ATMIN: variants seen among roughly 807,000 people sequenced by gnomAD.
ATMIN encodes the protein ATM INteracting protein.
ATMIN carries 24 observed loss-of-function variants against 49.2 expected under a neutral mutation model. The ratio of observed to expected loss-of-function variants is 0.49; its 90% CI spans 0.35 to 0.69. ATMIN has a LOEUF of 0.69. Ranked by LOEUF, ATMIN falls within the 30% of genes least tolerant of loss-of-function variation. The pLI is 0.00. For missense variants in ATMIN, 1,037 were observed against 1,005.5 expected, an observed-to-expected ratio of 1.03 and a Z score of -0.42; for synonymous variants, 450 against 392.5, an observed-to-expected ratio of 1.15 and a Z score of -1.73.
chr16:81,038,168 T>G (rs894847687), intron 1 of ATMIN, among the ~76,000 whole-genome samples: 6 of 151,954 alleles, frequency 3.9e-5, no homozygotes, highest in Non-Finnish European at 8.8e-5. Context: ...TCTCACTCTG[T>G]CGCCCAGGCT....
chr16:81,039,855 A>C (rs1224421270), intron 1 of ATMIN, among the ~76,000 whole-genome samples: 1 of 152,218 alleles, frequency 6.6e-6, no homozygotes, highest in Non-Finnish European at 1.5e-5. Flanking sequence ...GAAAGGTTCC[A>C]AGTTACTCTA....
At position 81,045,150 on chromosome 16, in the gene ATMIN, A is replaced by G. The variant is rs559437351; in HGVS notation, c.*180A>G. The G allele has an allele frequency of 8.9e-5, 70 of 790,164 alleles. No individual in the cohort carries two copies. The Middle Eastern group carries it at 1.1e-3, about 13-fold the overall frequency. 48.9% of individuals were successfully genotyped at this position (790,164 alleles called of 1,614,324 possible). A position where few individuals can be genotyped will look rare whatever the true frequency, so the allele number is the denominator to read the frequency against. On this transcript the variant is annotated 3_prime_UTR_variant, in exon 4 of 4. Transcript: ENST00000299575. ...GAAATTTGCGTATAAATGTGAGTGT[A>G]TTATAAAGTTTGAGATGTTGATCTA...
In ATMIN at chr16:81,042,400, A is replaced by G. The variant is rs770499957; in HGVS notation, c.582A>G (p.Thr194=). Reference sequence around the variant, plus strand: ...ACTGTGGCAAGACCTTCCGGTGCACATGCGGCTGTCCCTACGCCAGTAGAA... The same window carrying G: ...ACTGTGGCAAGACCTTCCGGTGCACGTGCGGCTGTCCCTACGCCAGTAGAA... ...AEDCGKTFRC[T]CGCPYASRTA... is the part of the protein sequence containing the mutation. Residue 194 remains threonine (T), a synonymous_variant, in exon 3 of 4, where the codon ACA becomes ACG. Coordinates refer to ENST00000299575, the MANE Select transcript of ATMIN (RefSeq NM_015251.3). 5.6e-6 allele frequency: 9 copies of G among 1,614,204 alleles called. No individual in the cohort carries two copies. Among genetic ancestry groups the G allele is most frequent in the East Asian group, 2.2e-5 (1 of 44,886 alleles).
Position 81,043,213 on chromosome 16 carries a change from T to A in ATMIN, c.715T>A (p.Leu239Ile). ...KMENCAQNQK[L>I]SNKTIESLNN... is the part of the protein sequence containing the mutation. ...GGAAAACTGTGCACAAAACCAGAAG[T>A]TATCCAACAAGACCATTGAATCATT... The change falls in exon 4 of 4, where the codon TTA becomes ATA. Residue 239 changes from leucine to isoleucine, a missense_variant. Transcript: ENST00000299575. The A allele has an allele frequency of 6.2e-7, 1 of 1,613,210 alleles. No individual in the cohort carries two copies. Among genetic ancestry groups the A allele is most frequent in the Non-Finnish European group, 8.5e-7 (1 of 1,179,866 alleles).
At chr16:81,037,079 A>ACACATCTTGCGT in intron 1 of ATMIN, 1 of 664,568 alleles carries the variant, frequency 1.5e-6, no homozygotes, top group Non-Finnish European at 1.9e-6. Flanking sequence ...CAACCTTGGG[A>ACACATCTTGCGT]CACATCTGTG....
Position 81,035,887 on chromosome 16 carries a change from C to A in ATMIN, c.17C>A (p.Ala6Glu), listed in dbSNP as rs1401199936. The change falls in exon 1 of 4, where the codon GCG becomes GAG. Residue 6 changes from alanine (A) to glutamate (E), a missense_variant. Ala to Glu is a moderately radical substitution (Grantham distance 107). Coordinates refer to ENST00000299575, the MANE Select transcript of ATMIN (RefSeq NM_015251.3). ...GCGGGAGCCATGGCGGCCTCGGAGG[C>A]GGCGGCGGCGGCGGGGTCCGCGGCT... is the stretch of plus-strand genomic sequence containing the variant. MAASE[A>E]AAAAGSAALA... 50 of 857,104 alleles carry A rather than the reference C, an allele frequency of 5.8e-5. No individual in the cohort carries two copies. The highest frequency in any genetic ancestry group is 6.9e-5 in the Non-Finnish European group (50 of 727,968). 53.1% of individuals were successfully genotyped at this position (857,104 alleles called of 1,614,324 possible).
intron 1 of ATMIN, among the ~76,000 whole-genome samples, chr16:81,039,946 C>A (rs938716367): frequency 6.6e-6 from 1 of 152,132 alleles, no homozygotes; most frequent in African/African-American, 2.4e-5. Flanking sequence ...TGGATGCTTT[C>A]TCGGAAGGCA....
chr16:81,041,652 A>C lies in ATMIN; in HGVS notation c.462+171A>C, dbSNP rs1330284011. On this transcript the variant is annotated intron_variant, in intron 2 of 3. Coordinates refer to ENST00000299575, the MANE Select transcript of ATMIN (RefSeq NM_015251.3). The stretch of plus-strand genomic sequence containing the variant: ...ATGCTGTTACACAAGTGGAGGGAAA[A>C]GCGGCACGGTCTGGAGGGAATATGT... 9.4e-6 allele frequency: 7 copies of C among 740,992 alleles called. No individual in the cohort carries two copies. The East Asian group carries it at 1.7e-4, about 18-fold the overall frequency. 45.9% of individuals were successfully genotyped at this position (740,992 alleles called of 1,614,324 possible). A position where few individuals can be genotyped will look rare whatever the true frequency, so the allele number is the denominator to read the frequency against.
intron 1 of ATMIN, 79 bp downstream of exon 1, chr16:81,036,285 C>CAAAAGAAT: frequency 9.1e-7 from 1 of 1,102,824 alleles, no homozygotes; most frequent in Non-Finnish European, 1.1e-6. Flanking sequence ...GCGAAGCCGG[C>CAAAAGAAT]CTCGGGGGGA....
chr16:81,042,349 A>G lies in ATMIN; in HGVS notation c.531A>G (p.Glu177=), dbSNP rs374873241. Residue 177 remains glutamate (E), a synonymous_variant, in exon 3 of 4, where the codon GAA becomes GAG. Coordinates refer to ENST00000299575, the MANE Select transcript of ATMIN (RefSeq NM_015251.3). ...CSKCSNSYGT[E]WDLKRHAEDC... ...AGTGCAGCAATTCGTACGGTACAGA[A>G]TGGGACCTGAAAAGACATGCAGAGG... 271 of 1,614,048 alleles carry G rather than the reference A, an allele frequency of 1.7e-4. No homozygotes were observed. Among genetic ancestry groups the G allele is most frequent in the Non-Finnish European group, 2.1e-4 (252 of 1,180,036 alleles).
chr16:81,042,803 G>T (rs1971056687), intron 3 of ATMIN, among the ~76,000 whole-genome samples: 1 of 152,130 alleles, frequency 6.6e-6, no homozygotes, highest in African/African-American at 2.4e-5. Flanking sequence ...TCATGAAACT[G>T]TACTTCATTT....
chr16:81,041,663 C>A (rs1971039694), intron 2 of ATMIN, 182 bp downstream of exon 2: 2 of 655,866 alleles, frequency 3.0e-6, no homozygotes, highest in African/African-American at 1.8e-5. Context: ...GCGGCACGGT[C>A]TGGAGGGAAT....
At chr16:81,037,541 A>G in intron 1 of ATMIN, 3 of 966,670 alleles carry the variant, frequency 3.1e-6, no homozygotes, top group Non-Finnish European at 3.7e-6. Context: ...GGTTTCTTTC[A>G]GCACTCAAGT....
chr16:81,039,925 C>T (rs1403036485), intron 1 of ATMIN, among the ~76,000 whole-genome samples: 1 of 152,036 alleles, frequency 6.6e-6, no homozygotes, highest in East Asian at 1.9e-4. Flanking sequence ...CAAAGCAAAC[C>T]GTTTCCTTCT....
rs779776245 is a variant in ATMIN at position 81,044,758 on chromosome 16, C to T, written c.2260C>T (p.Leu754=). ...GVSTAKNIPA[L]ESKVQLNSTE... Reference sequence around the variant, plus strand: ...CTCCACTGCTAAAAATATACCTGCTCTAGAAAGCAAAGTTCAGTTGAACAG... The same window carrying T: ...CTCCACTGCTAAAAATATACCTGCTTTAGAAAGCAAAGTTCAGTTGAACAG... Residue 754 remains leucine, a synonymous_variant, in exon 4 of 4, where the codon CTA becomes TTA. Transcript: ENST00000299575. 1.2e-6 allele frequency: 2 copies of T among 1,614,184 alleles called. No individual in the cohort carries two copies. The highest frequency in any genetic ancestry group is 3.3e-5 in the Admixed American group (2 of 60,020).
chr16:81,041,416 T>C lies in ATMIN; in HGVS notation c.397T>C (p.Cys133Arg). Residue 133 changes from cysteine to arginine, a missense_variant, in exon 2 of 4, where the codon TGT becomes CGT. Cys to Arg is a radical substitution (Grantham distance 180). Transcript: ENST00000299575. ...GAAAACTGGACCGAAATTCTACTGCTGTCCAATTGAAGGCTGCCCCAGAGG... is the reference window on the plus strand; with the variant it reads ...GAAAACTGGACCGAAATTCTACTGCCGTCCAATTGAAGGCTGCCCCAGAGG... ...DLKTGPKFYC[C>R]PIEGCPRGPE... 1 of 1,614,022 alleles carries C rather than the reference T, an allele frequency of 6.2e-7. No homozygotes were observed. Among genetic ancestry groups the C allele is most frequent in the South Asian group, 1.1e-5 (1 of 91,034 alleles).
chr16:81,036,307 C>T (rs961184921), intron 1 of ATMIN, 101 bp downstream of exon 1: 4 of 1,038,918 alleles, frequency 3.9e-6, no homozygotes, highest in Admixed American at 5.3e-5. Context: ...GAGCGCCCTG[C>T]GCGCTGCCGC....
rs1324175038 is a variant in ATMIN, at chr16:81,046,037, T to TA, written c.*1068dup. The TA allele has an allele frequency of 1.3e-5, 2 of 151,466 alleles. No homozygotes were observed. The highest frequency in any genetic ancestry group is 2.9e-5 in the Non-Finnish European group (2 of 67,946). The allele number at this position is 151,466 out of a possible 1,614,324, so 9.4% of individuals were successfully genotyped here. ...GTGTAGTGTTCCTGCTAAATGAGCG[T>TA]AGGTTATCCAAACCTTGGGAACAGG... On this transcript the variant is annotated 3_prime_UTR_variant, in exon 4 of 4. Coordinates refer to ENST00000299575, the MANE Select transcript of ATMIN (RefSeq NM_015251.3).
rs1190274500 is a variant in ATMIN at position 81,035,865 on chromosome 16, G to A, written c.-6G>A. 5.7e-6 allele frequency: 5 copies of A among 879,746 alleles called. No homozygotes were observed. Among genetic ancestry groups the A allele is most frequent in the East Asian group, 1.2e-4 (1 of 8,298 alleles). 54.5% of individuals were successfully genotyped at this position (879,746 alleles called of 1,614,324 possible). A position where few individuals can be genotyped will look rare whatever the true frequency, so the allele number is the denominator to read the frequency against. ...ACGAACTGGGCCGGGCGGCCGTGCG[G>A]GAGCCATGGCGGCCTCGGAGGCGGC... On this transcript the variant is annotated 5_prime_UTR_variant, in exon 1 of 4. Coordinates refer to ENST00000299575, the MANE Select transcript of ATMIN (RefSeq NM_015251.3).
Sources: allele counts gnomAD v4.1 joint callset (sites outside exome capture counted in the v4.1 genomes callset), GRCh38; gene constraint gnomAD v4.1.1; transcripts MANE v1.5; gene names NCBI Gene and HGNC (gene_info 2026-07-23, HGNC 2026-07-21).